Variants in RREB1 observed in about 807,000 individuals in gnomAD.
RREB1 encodes the protein ras-responsive element-binding protein 1.
RREB1 carries 27 observed loss-of-function variants against 117.8 expected under a neutral mutation model. That is an observed-to-expected ratio of 0.23 (90% CI 0.17 to 0.32). The LOEUF is 0.32. Ranked by LOEUF, RREB1 falls within the 10% of genes least tolerant of loss-of-function variation. The pLI is 1.00. For synonymous variants in RREB1, 1,298 were observed against 1,026.7 expected, an observed-to-expected ratio of 1.26 and a Z score of -5.05; for missense variants, 2,577 against 2,378.2, an observed-to-expected ratio of 1.08 and a Z score of -1.74.
chr6:7,182,998 G>A (rs942171713), intron 4 of RREB1: 1 of 152,118 alleles, frequency 6.6e-6, no homozygotes, highest in African/African-American at 2.4e-5. Context: ...AATTCTCTGA[G>A]TATTAATATG....
chr6:7,176,403 C>T (rs957981522), intron 1 of RREB1, among the ~76,000 whole-genome samples: 4 of 152,140 alleles, frequency 2.6e-5, no homozygotes, highest in Admixed American at 2.0e-4. Context: ...CTGCCCTTGA[C>T]GTTATTGGAA....
intron 1 of RREB1, among the ~76,000 whole-genome samples, chr6:7,118,791 G>GT (rs1214680460): frequency 1.5e-4 from 19 of 125,230 alleles, no homozygotes; most frequent in African/African-American, 3.6e-4. Flanking sequence ...ATCCCATGGT[G>GT]TTTTTTTTAA....
chr6:7,126,282 G>A (rs1029105060), intron 1 of RREB1, among the ~76,000 whole-genome samples: 1 of 151,996 alleles, frequency 6.6e-6, no homozygotes, highest in Non-Finnish European at 1.5e-5. Context: ...TTACAGGCGT[G>A]AGCCACTGCG....
Position 7,210,791 on chromosome 6 carries a change from T to G in RREB1, c.426-13T>G, listed in dbSNP as rs189285151. ...TTGTTAGATCACATTGTGTGTGTGT[T>G]TGTTCTTTTCAGACATATGAAGATC... On this transcript the variant is annotated splice_polypyrimidine_tract_variant and intron_variant, in intron 6 of 12. Transcript: ENST00000379938. 145 of 1,608,176 alleles carry G rather than the reference T, an allele frequency of 9.0e-5. No homozygotes were observed. Among genetic ancestry groups the G allele is most frequent in the Middle Eastern group, 5.0e-4 (3 of 6,036 alleles).
chr6:7,117,497 G>T (rs750356791), intron 1 of RREB1, among the ~76,000 whole-genome samples: 1 of 132,792 alleles, frequency 7.5e-6, no homozygotes, highest in Admixed American at 8.9e-5. Context: ...TGCAACCTCC[G>T]CCTCCCAGGT....
At chr6:7,159,825 T>C (rs1428650043) in intron 1 of RREB1, among the ~76,000 whole-genome samples, 1 of 152,218 alleles carries the variant, frequency 6.6e-6, no homozygotes, top group Non-Finnish European at 1.5e-5. Flanking sequence ...CATAGATTCT[T>C]TTGAAAGGCT....
At chr6:7,148,799 T>C (rs1421438007) in intron 1 of RREB1, among the ~76,000 whole-genome samples, 1 of 152,208 alleles carries the variant, frequency 6.6e-6, no homozygotes, top group African/African-American at 2.4e-5. Flanking sequence ...CATGACGTGT[T>C]AGAATAAACC....
At position 7,247,309 on chromosome 6, in the gene RREB1, G is replaced by A. The variant is rs1769147476; in HGVS notation, c.4771+88G>A. 3.3e-6 allele frequency: 4 copies of A among 1,196,718 alleles called. No individual in the cohort carries two copies. The South Asian group carries it at 4.7e-5, about 14-fold the overall frequency. 74.1% of individuals were successfully genotyped at this position (1,196,718 alleles called of 1,614,324 possible). On this transcript the variant is annotated intron_variant, in intron 12 of 12. Transcript: ENST00000379938. The stretch of plus-strand genomic sequence containing the variant: ...GAGCTCCCCTGAAGCGGCGCTGGAG[G>A]CCACCGAGAGAACGTTTGCTTACGT...
At chr6:7,161,077 C>T (rs547124745) in intron 1 of RREB1, among the ~76,000 whole-genome samples, 1 of 152,170 alleles carries the variant, frequency 6.6e-6, no homozygotes, top group Admixed American at 6.6e-5. Flanking sequence ...CCGATCCTCT[C>T]GCCTCGGCCT....
At chr6:7,153,521 T>G (rs993336493) in intron 1 of RREB1, among the ~76,000 whole-genome samples, 1 of 152,156 alleles carries the variant, frequency 6.6e-6, no homozygotes, top group Non-Finnish European at 1.5e-5. Context: ...TAGCAACTAG[T>G]ACATAATCAT....
chr6:7,225,045 G>A (rs1051586017), intron 8 of RREB1, among the ~76,000 whole-genome samples: 2 of 152,188 alleles, frequency 1.3e-5, no homozygotes, highest in African/African-American at 2.4e-5. Flanking sequence ...CTTCCTTTCA[G>A]TGCTTCCTGA....
At chr6:7,130,890 CA>C (rs1762127331) in intron 1 of RREB1, among the ~76,000 whole-genome samples, 1 of 145,654 alleles carries the variant, frequency 6.9e-6, no homozygotes, top group Non-Finnish European at 1.5e-5. Context: ...GTTGGGATTA[CA>C]GGCGTGAGCC....
At chr6:7,133,441 G>A (rs1045949621) in intron 1 of RREB1, among the ~76,000 whole-genome samples, 1 of 152,018 alleles carries the variant, frequency 6.6e-6, no homozygotes, top group African/African-American at 2.4e-5. Context: ...AATGTTCTTA[G>A]CCAGGCACCA....
chr6:7,170,611 G>A (rs930069131), intron 1 of RREB1, among the ~76,000 whole-genome samples: 2 of 152,252 alleles, frequency 1.3e-5, no homozygotes, highest in Admixed American at 6.5e-5. Flanking sequence ...TGCACTGCAG[G>A]CTGGCCTTGC....
chr6:7,115,241 G>A (rs190915075), intron 1 of RREB1, among the ~76,000 whole-genome samples: 21 of 152,090 alleles, frequency 1.4e-4, no homozygotes, highest in African/African-American at 4.3e-4. Context: ...GGTAGGAGGC[G>A]GTGATTATTT....
chr6:7,189,816 A>AT (rs1311375483), intron 6 of RREB1, among the ~76,000 whole-genome samples: 1 of 152,244 alleles, frequency 6.6e-6, no homozygotes, highest in Non-Finnish European at 1.5e-5. Flanking sequence ...AGAAAATCTG[A>AT]TAAACATCAG....
Position 7,248,856 on chromosome 6 carries a change from C to T in RREB1, c.5117C>T (p.Pro1706Leu), listed in dbSNP as rs1769271317. Reference sequence around the variant, plus strand: ...GAGCCTGGCCAGGGTGACCTTAACCCAGAGAGCCCGGCGGCCCTGGGGCAG... The same window carrying T: ...GAGCCTGGCCAGGGTGACCTTAACCTAGAGAGCCCGGCGGCCCTGGGGCAG... ...PSEPGQGDLNPESPAALGQDL... is the reference protein window; with the variant it reads ...PSEPGQGDLNLESPAALGQDL... The change falls in exon 13 of 13, where the codon CCA becomes CTA. Residue 1706 changes from proline to leucine, a missense_variant. Pro to Leu is a moderately conservative substitution (Grantham distance 98). Transcript: ENST00000379938. 3 of 1,605,962 alleles carry T rather than the reference C, an allele frequency of 1.9e-6. No homozygotes were observed. The highest frequency in any genetic ancestry group is 8.5e-7 in the Non-Finnish European group (1 of 1,176,564).
chr6:7,205,731 T>G (rs1766234689), intron 6 of RREB1, among the ~76,000 whole-genome samples: 1 of 152,216 alleles, frequency 6.6e-6, no homozygotes, highest in South Asian at 2.1e-4. Context: ...TGACCAGCCT[T>G]CAGCCCTTGC....
In RREB1 at chr6:7,230,700, C is replaced by T. The variant is rs769736395; in HGVS notation, c.2601C>T (p.Asn867=). 4.4e-6 allele frequency: 7 copies of T among 1,593,288 alleles called. No homozygotes were observed. The highest frequency in any genetic ancestry group is 4.0e-5 in the African/African-American group (3 of 74,320). ...KPLTAFLEPQ[N]GFLHRGPTQP... is the part of the protein sequence containing the mutation. ...TCACTGCCTTCCTGGAACCCCAGAA[C>T]GGCTTTCTTCACAGGGGCCCCACCC... The change falls in exon 10 of 13, where the codon AAC becomes AAT. Residue 867 remains asparagine, a synonymous_variant. Coordinates refer to ENST00000379938, the MANE Select transcript of RREB1 (RefSeq NM_001003699.4).
Sources: allele counts gnomAD v4.1 joint callset (sites outside exome capture counted in the v4.1 genomes callset), GRCh38; gene constraint gnomAD v4.1.1; transcripts MANE v1.5; gene names NCBI Gene and HGNC (gene_info 2026-07-23, HGNC 2026-07-21).